Variants in RGS6 observed in about 807,000 individuals in gnomAD.
The protein encoded by RGS6 is regulator of G-protein signaling 6.
In RGS6, 30 loss-of-function variants were observed where a neutral mutation model predicts 78.5. The ratio of observed to expected loss-of-function variants is 0.38; its 90% CI spans 0.29 to 0.52. The LOEUF (loss-of-function observed/expected upper bound fraction) is 0.52. Among genes scored for constraint, RGS6 ranks in the 20% least tolerant of loss-of-function variants. The probability of loss-of-function intolerance (pLI) is 0.85; values close to 1 mark genes in which losing one functional copy is unlikely to be tolerated. For missense variants in RGS6, 495 were observed against 609.7 expected (o/e 0.81, Z 1.98); for synonymous variants, 206 against 206.0 (o/e 1.00, Z 0.00).
intron 2 of RGS6, among the ~76,000 whole-genome samples, chr14:72,114,145 G>T (rs1277136153): frequency 6.6e-6 from 1 of 152,208 alleles, no homozygotes; most frequent in Non-Finnish European, 1.5e-5. Flanking sequence ...CTCAGGTAGG[G>T]TGGATGTATA....
Position 71,932,849 on chromosome 14 carries a change from T to A in RGS6, c.-113T>A, listed in dbSNP as rs887361329. ...GCTGCCGGTCCCCGGTTCCCTGGGC[T>A]TCTCCAGCTTTATCATGAACCTGGC... On this transcript the variant is annotated 5_prime_UTR_variant, in exon 1 of 18. Coordinates refer to ENST00000553525, the MANE Select transcript of RGS6 (RefSeq NM_001204424.2). 6.6e-6 allele frequency: 1 copy of A among 152,306 alleles called. No individual in the cohort carries two copies. Among genetic ancestry groups the A allele is most frequent in the Non-Finnish European group, 1.5e-5 (1 of 68,086 alleles). The allele number at this position is 152,306 out of a possible 1,614,324, so 9.4% of individuals were successfully genotyped here.
Position 72,409,321 on chromosome 14 carries a change from G to A in RGS6, c.185-45207G>A, listed in dbSNP as rs535474142. On this transcript the variant is annotated intron_variant, in intron 3 of 17. Coordinates refer to ENST00000553525, the MANE Select transcript of RGS6 (RefSeq NM_001204424.2). ...GGTAGTGAGCTTTAATAGGCGGAAC[G>A]TGGAAGTAAGACAAAGAAAACATAT... is the stretch of plus-strand genomic sequence containing the variant. Among the ~76,000 whole-genome samples, 76 of 152,286 alleles carry A rather than the reference G, an allele frequency of 5.0e-4. 1 individual carries two copies. Among genetic ancestry groups the A allele is most frequent in the African/African-American group, 1.6e-3 (68 of 41,554 alleles).
At chr14:71,968,572 G>A (rs939528153) in intron 2 of RGS6, among the ~76,000 whole-genome samples, 1 of 152,154 alleles carries the variant, frequency 6.6e-6, no homozygotes, top group Non-Finnish European at 1.5e-5. Flanking sequence ...TAGAGAGGGT[G>A]AGTAACTTGA....
intron 7 of RGS6, among the ~76,000 whole-genome samples, chr14:72,469,333 A>G (rs2096013393): frequency 6.6e-6 from 1 of 151,686 alleles, no homozygotes; most frequent in Non-Finnish European, 1.5e-5. Context: ...CAGTCTCCCA[A>G]ATAGTTGGGA....
intron 3 of RGS6, among the ~76,000 whole-genome samples, chr14:72,428,341 A>T (rs1301099092): frequency 2.0e-5 from 3 of 152,086 alleles, no homozygotes; most frequent in Non-Finnish European, 4.4e-5. Context: ...GGATGGATGG[A>T]TGGATGAGTG....
chr14:72,314,724 C>T (rs1595695536), intron 2 of RGS6, among the ~76,000 whole-genome samples: 1 of 152,318 alleles, frequency 6.6e-6, no homozygotes, highest in South Asian at 2.1e-4. Flanking sequence ...TTGTCCACTT[C>T]CTGCTGAGAC....
intron 3 of RGS6, among the ~76,000 whole-genome samples, chr14:72,427,836 G>C (rs977781345): frequency 1.3e-5 from 2 of 152,154 alleles, no homozygotes; most frequent in African/African-American, 4.8e-5. Context: ...TTTTAAAATT[G>C]CTTGGAGTAG....
intron 2 of RGS6, among the ~76,000 whole-genome samples, chr14:72,006,388 G>A (rs1242156025): frequency 2.6e-5 from 4 of 152,260 alleles, no homozygotes; most frequent in South Asian, 2.1e-4. Context: ...GATGACAGAC[G>A]CGACCATATG....
At chr14:71,904,547 G>A in the RGS6 span, among the ~76,000 whole-genome samples, 1 of 152,238 alleles carries the variant, frequency 6.6e-6, no homozygotes, top group South Asian at 2.1e-4. Flanking sequence ...AGCAAAGATA[G>A]ATTGAGTTTA....
At chr14:72,372,191 CAA>C (rs2083644554) in intron 3 of RGS6, among the ~76,000 whole-genome samples, 1 of 152,136 alleles carries the variant, frequency 6.6e-6, no homozygotes, top group Non-Finnish European at 1.5e-5. Flanking sequence ...ATTATATATA[CAA>C]AACTTTAAAA....
At chr14:72,421,646 A>G (rs2094186486) in intron 3 of RGS6, 1 of 152,250 alleles carries the variant, frequency 6.6e-6, no homozygotes, top group South Asian at 2.1e-4. Flanking sequence ...GGGAGACAGC[A>G]CCGGCTTAGA....
chr14:72,483,198 T>G (rs527788448), intron 12 of RGS6, among the ~76,000 whole-genome samples: 4 of 152,162 alleles, frequency 2.6e-5, no homozygotes, highest in South Asian at 4.2e-4. Context: ...CTAGTCTCCA[T>G]GTTTGGCTGC....
intron 1 of RGS6, among the ~76,000 whole-genome samples, chr14:71,948,740 C>CTTTTTTTTTTTTTT (rs71305831): frequency 1.5e-5 from 1 of 65,180 alleles, no homozygotes; most frequent in East Asian, 6.2e-4. Flanking sequence ...CTCTCTCTCT[C>CTTTTTTTTTTTTTT]TTTTTTTTTT....
chr14:72,142,678 T>C (rs1322153938), intron 2 of RGS6, among the ~76,000 whole-genome samples: 7 of 152,358 alleles, frequency 4.6e-5, no homozygotes, highest in Middle Eastern at 3.4e-3. Flanking sequence ...TTTGTAGTAA[T>C]GGCCATATAA....
At chr14:72,433,612 T>G (rs2094761616) in intron 3 of RGS6, among the ~76,000 whole-genome samples, 2 of 152,182 alleles carry the variant, frequency 1.3e-5, no homozygotes, top group Non-Finnish European at 1.5e-5. Context: ...CTCCCCTGCT[T>G]AAAACCTGTT....
intron 2 of RGS6, among the ~76,000 whole-genome samples, chr14:72,271,509 T>TCAAC (rs2153921502): frequency 6.6e-6 from 1 of 152,272 alleles, no homozygotes; most frequent in South Asian, 2.1e-4. Context: ...CCAAACCATA[T>TCAAC]CAACCACTGT....
chr14:71,894,576 G>A, the RGS6 span, among the ~76,000 whole-genome samples: 5 of 152,124 alleles, frequency 3.3e-5, no homozygotes, highest in African/African-American at 9.6e-5. Flanking sequence ...CTAAGGACTC[G>A]CCCTGAATTC....
At chr14:72,628,310 T>G in the RGS6 span, among the ~76,000 whole-genome samples, 1 of 152,090 alleles carries the variant, frequency 6.6e-6, no homozygotes, top group Non-Finnish European at 1.5e-5. Context: ...TTTAATGTTT[T>G]TATCATAAAT....
At position 72,176,726 on chromosome 14, in the gene RGS6, G is replaced by A. The variant is rs114046613; in HGVS notation, c.85-175369G>A. Among the ~76,000 whole-genome samples the A allele has an allele frequency of 2.4e-3, 359 of 152,236 alleles. 1 individual carries two copies. The highest frequency in any genetic ancestry group is 8.4e-3 in the African/African-American group (347 of 41,530). ...GAATAGAAAGATTATTTTAAACTAGGGAAGATTTATTTTAAACTGGAAGAG... is the reference window on the plus strand; with the variant it reads ...GAATAGAAAGATTATTTTAAACTAGAGAAGATTTATTTTAAACTGGAAGAG... On this transcript the variant is annotated intron_variant, in intron 2 of 17. Transcript: ENST00000553525.
Sources: allele counts gnomAD v4.1 joint callset (sites outside exome capture counted in the v4.1 genomes callset), GRCh38; gene constraint gnomAD v4.1.1; transcripts MANE v1.5; gene names NCBI Gene and HGNC (gene_info 2026-07-23, HGNC 2026-07-21).